CARS2: variants seen among roughly 807,000 people sequenced by gnomAD.
CARS2 encodes the protein probable cysteine--tRNA ligase, mitochondrial.
In CARS2, 52 loss-of-function variants were observed where a neutral mutation model predicts 68.8. The observed-to-expected ratio is 0.76, with a 90% CI of 0.61 to 0.95. The LOEUF (loss-of-function observed/expected upper bound fraction) is 0.95, where lower values mean the gene tolerates loss of function less well. CARS2 is among the 40% of genes least tolerant of loss of function. The pLI is 0.00. For missense variants in CARS2, 780 were observed against 754.2 expected, an observed-to-expected ratio of 1.03 and a Z score of -0.40; for synonymous variants, 314 against 303.6, an observed-to-expected ratio of 1.03 and a Z score of -0.36.
intron 8 of CARS2, chr13:110,666,840 C>G: frequency 1.0e-6 from 1 of 985,428 alleles, no homozygotes; most frequent in Non-Finnish European, 1.2e-6. Flanking sequence ...AAATACGACT[C>G]TTCCAGTGCA....
chr13:110,656,652 A>T (rs2062376271), intron 9 of CARS2, among the ~76,000 whole-genome samples: 1 of 152,160 alleles, frequency 6.6e-6, no homozygotes, highest in Non-Finnish European at 1.5e-5. Context: ...TGGGAGGCCG[A>T]GGCAGGTGGA....
At chr13:110,692,257 G>T (rs2063491965) in intron 3 of CARS2, among the ~76,000 whole-genome samples, 1 of 151,258 alleles carries the variant, frequency 6.6e-6, no homozygotes, top group South Asian at 2.1e-4. Flanking sequence ...ATCACCTGAG[G>T]CCGGGAGTTC....
chr13:110,684,215 C>T (rs549120755), intron 5 of CARS2, among the ~76,000 whole-genome samples: 1 of 152,340 alleles, frequency 6.6e-6, no homozygotes, highest in Non-Finnish European at 1.5e-5. Context: ...AACCACACAG[C>T]AGCATGTAGC....
intron 8 of CARS2, chr13:110,663,887 C>CT (rs1366242652): frequency 9.7e-7 from 1 of 1,025,786 alleles, no homozygotes; most frequent in Non-Finnish European, 1.2e-6. Context: ...TCTGAAGAAA[C>CT]GACAAAGCTC....
rs925240310 is a variant in CARS2, at chr13:110,641,437, C to T, written c.*100G>A. The T allele has an allele frequency of 7.1e-6, 7 of 979,456 alleles. No homozygotes were observed. The African/African-American group carries it at 7.9e-5, about 11-fold the overall frequency. The allele number at this position is 979,456 out of a possible 1,614,324, so 60.7% of individuals were successfully genotyped here. ...CACTGTTGGTTGCCTTACTTTAATG[C>T]TGACCTAGCAGCCCCGACAGGAAGC... On this transcript the variant is annotated 3_prime_UTR_variant, in exon 15 of 15. Coordinates refer to ENST00000257347, the MANE Select transcript of CARS2 (RefSeq NM_024537.4).
intron 10 of CARS2, chr13:110,650,647 A>C: frequency 5.2e-6 from 1 of 192,854 alleles, no homozygotes; most frequent in Non-Finnish European, 1.1e-5. Context: ...CGTTCGGGGA[A>C]GTGCTGCCCC....
chr13:110,679,653 A>C (rs1311859334), intron 6 of CARS2, among the ~76,000 whole-genome samples: 1 of 35,216 alleles, frequency 2.8e-5, no homozygotes. Flanking sequence ...GCGTGACCGG[A>C]GGGAGGGAGG....
chr13:110,664,507 ACT>A (rs1305804394), intron 8 of CARS2: 3 of 755,752 alleles, frequency 4.0e-6, no homozygotes, highest in South Asian at 1.2e-4. Context: ...ACAGAGCGAG[ACT>A]CTGCCTCAAA....
At chr13:110,683,262 T>C in intron 5 of CARS2, 128 bp from the exon 6 acceptor site, 2 of 523,790 alleles carry the variant, frequency 3.8e-6, no homozygotes, top group South Asian at 3.7e-5. Context: ...TATACATATA[T>C]AGTATTTATA....
chr13:110,706,118 G>C, upstream of CARS2: 1 of 1,289,510 alleles, frequency 7.8e-7, no homozygotes, highest in Non-Finnish European at 9.8e-7. Context: ...CCTACGACTG[G>C]GCGGAGACGG....
rs527311442 is a variant in CARS2 at position 110,647,193 on chromosome 13, G to A, written c.1101C>T (p.Leu367=). Residue 367 remains leucine, a synonymous_variant, in exon 11 of 15, where the codon CTC becomes CTT. Coordinates refer to ENST00000257347, the MANE Select transcript of CARS2 (RefSeq NM_024537.4). ...CCTCCAGGAAAGAGCCCAGCCCCAG[G>A]AGCAGCTGCTGAGCTTGGAGCATGG... ...DSAMLQAQQL[L]LGLGSFLEDA... 6.2e-7 allele frequency: 1 copy of A among 1,613,332 alleles called. No homozygotes were observed. The highest frequency in any genetic ancestry group is 1.7e-5 in the Admixed American group (1 of 60,016).
intron 3 of CARS2, among the ~76,000 whole-genome samples, chr13:110,693,981 G>A (rs927832305): frequency 1.3e-5 from 2 of 152,050 alleles, no homozygotes; most frequent in African/African-American, 4.8e-5. Flanking sequence ...AGAAACTTTG[G>A]CTTGAATTAC....
chr13:110,705,644 A>T lies in CARS2; in HGVS notation c.225-73T>A. 1 of 1,505,154 alleles carries T rather than the reference A, an allele frequency of 6.6e-7. No homozygotes were observed. Among genetic ancestry groups the T allele is most frequent in the Non-Finnish European group, 9.2e-7 (1 of 1,083,938 alleles). 93.2% of individuals were successfully genotyped at this position (1,505,154 alleles called of 1,614,324 possible). Reference sequence around the variant, plus strand: ...GGACATTCGATTCTGAGTTATAATGATCATATAATTTTTAAAGTAATCACT... The same window carrying T: ...GGACATTCGATTCTGAGTTATAATGTTCATATAATTTTTAAAGTAATCACT... On this transcript the variant is annotated intron_variant, in intron 1 of 14. Coordinates refer to ENST00000257347, the MANE Select transcript of CARS2 (RefSeq NM_024537.4). This position sits in a 1 kb window ranked among gnomAD's most constrained non-coding sequence, Gnocchi z 4.0.
rs371950209 is a variant in CARS2, at chr13:110,705,972, G to A, written c.122C>T (p.Ala41Val). ...GRAASGGRGRAWLQPTGRETG... is the reference protein window; with the variant it reads ...GRAASGGRGRVWLQPTGRETG... Reference sequence around the variant, plus strand: ...CTCCCGGCCCGTGGGCTGCAGCCAGGCCCGCCCGCGCCCCCCGCTCGCCGC... The same window carrying A: ...CTCCCGGCCCGTGGGCTGCAGCCAGACCCGCCCGCGCCCCCCGCTCGCCGC... Residue 41 changes from alanine to valine, a missense_variant, in exon 1 of 15, where the codon GCC (alanine) becomes GTC (valine). Transcript: ENST00000257347. The surrounding 1 kb of genome is among the most constrained non-coding windows in gnomAD (Gnocchi z 4.0). 242 of 1,515,726 alleles carry A rather than the reference G, an allele frequency of 1.6e-4. 4 individuals are homozygous for A. In the African/African-American group the frequency reaches 2.9e-3, roughly 18 times the overall value. 93.9% of individuals were successfully genotyped at this position (1,515,726 alleles called of 1,614,324 possible).
At chr13:110,691,724 T>C (rs2063464025) in intron 3 of CARS2, among the ~76,000 whole-genome samples, 1 of 152,102 alleles carries the variant, frequency 6.6e-6, no homozygotes, top group South Asian at 2.1e-4. Context: ...GTTTCTGGAC[T>C]TTTTGGTGTA....
intron 6 of CARS2, among the ~76,000 whole-genome samples, chr13:110,678,436 C>T (rs998186961): frequency 2.0e-5 from 3 of 152,126 alleles, no homozygotes; most frequent in Admixed American, 6.6e-5. Context: ...CCCTTTCCAC[C>T]CGGGAGCACT....
intron 8 of CARS2, 154 bp from the exon 9 acceptor site, chr13:110,663,672 C>T (rs769284068): frequency 3.1e-5 from 44 of 1,404,798 alleles, no homozygotes; most frequent in South Asian, 6.5e-5. Context: ...AATCTTCACC[C>T]GTGCTGGGCC....
intron 3 of CARS2, among the ~76,000 whole-genome samples, chr13:110,691,845 G>C (rs2063467802): frequency 6.6e-6 from 1 of 151,844 alleles, no homozygotes. Flanking sequence ...AGGGGGTGCA[G>C]GGAGGAGTCC....
At chr13:110,695,637 A>C (rs2063598860) in intron 3 of CARS2, among the ~76,000 whole-genome samples, 1 of 152,208 alleles carries the variant, frequency 6.6e-6, no homozygotes, top group African/African-American at 2.4e-5. Flanking sequence ...TTAATGCTGT[A>C]AATGTACTTA....
Sources: allele counts gnomAD v4.1 joint callset (sites outside exome capture counted in the v4.1 genomes callset), GRCh38; gene constraint gnomAD v4.1.1; non-coding constraint Gnocchi (gnomAD v3.1); transcripts MANE v1.5; gene names NCBI Gene and HGNC (gene_info 2026-07-23, HGNC 2026-07-21).